EVI5L: variants seen among roughly 807,000 people sequenced by gnomAD.
EVI5L encodes the protein ecotropic viral integration site 5 like.
A neutral mutation model predicts 106.1 loss-of-function variants in EVI5L; 30 were observed. That is an observed-to-expected ratio of 0.28 (90% CI 0.21 to 0.38). EVI5L has a LOEUF of 0.38. Ranked by LOEUF, EVI5L falls within the 10% of genes least tolerant of loss-of-function variation. The probability of loss-of-function intolerance (pLI) is 1.00; values close to 1 mark genes in which losing one functional copy is unlikely to be tolerated. For missense variants in EVI5L, 809 were observed against 1,098.0 expected (o/e 0.74, Z 3.72); for synonymous variants, 489 against 483.3 (o/e 1.01, Z -0.15).
Position 7,846,569 on chromosome 19 carries a change from C to G in EVI5L, c.27C>G (p.Asp9Glu). The change falls in exon 2 of 20, where the codon GAC (aspartate) becomes GAG (glutamate). Residue 9 changes from aspartate to glutamate, a missense_variant. By Grantham distance (45) the Asp-to-Glu change is conservative (BLOSUM62 2). Transcript: ENST00000538904. MASPTLSPDSSSQEALSAP... is the reference protein window; with the variant it reads MASPTLSPESSSQEALSAP... ...TGGCGAGCCCCACTCTGAGCCCCGA[C>G]TCCTCATCCCAGGAGGCCCTGTCGG... 2 of 1,613,204 alleles carry G rather than the reference C, an allele frequency of 1.2e-6. No homozygotes were observed. Among genetic ancestry groups the G allele is most frequent in the Non-Finnish European group, 1.7e-6 (2 of 1,179,700 alleles).
In EVI5L at chr19:7,862,526, G is replaced by C. The variant is rs1363214142; in HGVS notation, c.1939G>C (p.Glu647Gln). 4 of 1,534,698 alleles carry C rather than the reference G, an allele frequency of 2.6e-6. No individual in the cohort carries two copies. Among genetic ancestry groups the C allele is most frequent in the African/African-American group, 1.4e-5 (1 of 72,336 alleles). The change falls in exon 17 of 20, where the codon GAG becomes CAG. Residue 647 changes from glutamate (E) to glutamine (Q), a missense_variant. By Grantham distance (29) the Glu-to-Gln change is conservative (BLOSUM62 2). This residue lies in a region of EVI5L where 452 missense variants were observed against 509.9 expected (regional missense o/e 0.89). Transcript: ENST00000538904. ...SESRRKQAEA[E>Q]CKSKEEVMAV... ...AAGCCGCCGCAAGCAGGCCGAGGCC[G>C]AGTGCAAGGTGCAGACCCCCGCGGC...
intron 1 of EVI5L, among the ~76,000 whole-genome samples, chr19:7,833,347 T>C (rs478430): frequency 0.8 from 122,032 of 152,226 alleles, 49,504 homozygotes; most frequent in South Asian, 0.87. Flanking sequence ...GCCCCCGCCA[T>C]GTGCTCAGCA....
In EVI5L at chr19:7,862,525, C is replaced by G. The variant is rs769686592; in HGVS notation, c.1938C>G (p.Ala646=). 7.8e-6 allele frequency: 12 copies of G among 1,535,984 alleles called. No homozygotes were observed. The highest frequency in any genetic ancestry group is 2.8e-5 in the African/African-American group (2 of 72,354). ...AAAGCCGCCGCAAGCAGGCCGAGGC[C>G]GAGTGCAAGGTGCAGACCCCCGCGG... ...LSESRRKQAE[A]ECKSKEEVMA... is the part of the protein sequence containing the mutation. The change falls in exon 17 of 20, where the codon GCC becomes GCG. Residue 646 remains alanine, a synonymous_variant. Transcript: ENST00000538904.
intron 4 of EVI5L, 27 bp downstream of exon 4, chr19:7,849,172 C>T (rs370238933): frequency 3.2e-5 from 51 of 1,612,128 alleles, no homozygotes; most frequent in African/African-American, 5.3e-5. Context: ...CCCGCTCCCT[C>T]GGTCCCAAAG....
chr19:7,832,404 T>C (rs1310003777), intron 1 of EVI5L, among the ~76,000 whole-genome samples: 1 of 152,248 alleles, frequency 6.6e-6, no homozygotes, highest in Admixed American at 6.5e-5. Context: ...CCAGGCTTCC[T>C]TGTGGATATT....
In EVI5L at chr19:7,858,215, G is replaced by A; in HGVS notation, c.1258G>A (p.Ala420Thr). The stretch of plus-strand genomic sequence containing the variant: ...GGGGCAAGTGACACGGGCGCAGGAG[G>A]CGGAGGAGAACTACGTCATCAAGCG... ...IQGQVTRAQE[A>T]EENYVIKREL... Residue 420 changes from alanine (A) to threonine (T), a missense_variant, in exon 13 of 20, where the codon GCG becomes ACG. Ala to Thr is a moderately conservative substitution (Grantham distance 58). Around this residue, in one of 2 missense-constraint regions of EVI5L, gnomAD observed 357 missense variants for 588.1 expected, o/e 0.61. Transcript: ENST00000538904. The surrounding 1 kb of genome is among the most constrained non-coding windows in gnomAD (Gnocchi z 5.7). 1 of 1,567,294 alleles carries A rather than the reference G, an allele frequency of 6.4e-7. No individual in the cohort carries two copies. Among genetic ancestry groups the A allele is most frequent in the Non-Finnish European group, 8.6e-7 (1 of 1,156,208 alleles).
chr19:7,843,121 CAT>C (rs1468507194), intron 1 of EVI5L, among the ~76,000 whole-genome samples: 2 of 103,578 alleles, frequency 1.9e-5, no homozygotes, highest in African/African-American at 3.8e-5. Flanking sequence ...GTGTGTGTGT[CAT>C]GTGCATGTGT....
At chr19:7,834,296 C>T (rs1343790197) in intron 1 of EVI5L, among the ~76,000 whole-genome samples, 2 of 152,080 alleles carry the variant, frequency 1.3e-5, no homozygotes. Flanking sequence ...TGCATGCCAG[C>T]CTGGGCAACA....
At chr19:7,860,757 C>A in intron 14 of EVI5L, 68 bp downstream of exon 14, 1 of 1,466,976 alleles carries the variant, frequency 6.8e-7, no homozygotes, top group Non-Finnish European at 9.1e-7. Flanking sequence ...CCTGGATAAG[C>A]TTTGGGAGTG....
In EVI5L at chr19:7,857,289, G is replaced by C; in HGVS notation, c.1233+165G>C. On this transcript the variant is annotated intron_variant, in intron 12 of 19. Transcript: ENST00000538904. The surrounding 1 kb of genome is among the most constrained non-coding windows in gnomAD (Gnocchi z 4.5). ...TCTGGGGGACACAGAGGCTTCCCGG[G>C]GGGGCGGGGCATGTGAAGTGGGGAG... The C allele has an allele frequency of 1.1e-6, 1 of 899,454 alleles. No homozygotes were observed. The highest frequency in any genetic ancestry group is 1.7e-6 in the Non-Finnish European group (1 of 573,620). 55.7% of individuals were successfully genotyped at this position (899,454 alleles called of 1,614,324 possible). A position where few individuals can be genotyped will look rare whatever the true frequency, so the allele number is the denominator to read the frequency against.
chr19:7,860,480 C>G, intron 13 of EVI5L, 81 bp from the exon 14 acceptor site: 1 of 1,271,684 alleles, frequency 7.9e-7, no homozygotes, highest in Non-Finnish European at 1.1e-6. Flanking sequence ...TCTGGGGAGG[C>G]GGGGAGAAGC....
chr19:7,838,098 T>G (rs1978430500), intron 1 of EVI5L, among the ~76,000 whole-genome samples: 1 of 151,898 alleles, frequency 6.6e-6, no homozygotes, highest in Admixed American at 6.6e-5. Context: ...TTGGTTGGTT[T>G]TTTTTTGTTT....
At position 7,846,626 on chromosome 19, in the gene EVI5L, G is replaced by A; in HGVS notation, c.84G>A (p.Glu28=). The part of the protein sequence containing the change: ...APTCSPTSDS[E]NLSPDELELL... The stretch of plus-strand genomic sequence containing the variant: ...CCTGCTCCCCAACCTCTGACTCCGA[G>A]AACCTCAGCCCCGATGAGCTGGAGC... Residue 28 remains glutamate (E), a synonymous_variant, in exon 2 of 20, where the codon GAG becomes GAA. Transcript: ENST00000538904. The A allele has an allele frequency of 6.2e-7, 1 of 1,613,824 alleles. No homozygotes were observed. Among genetic ancestry groups the A allele is most frequent in the Non-Finnish European group, 8.5e-7 (1 of 1,179,970 alleles).
chr19:7,831,785 C>T (rs1978294389), intron 1 of EVI5L, among the ~76,000 whole-genome samples: 1 of 152,266 alleles, frequency 6.6e-6, no homozygotes, highest in African/African-American at 2.4e-5. Flanking sequence ...GCCTACTGGC[C>T]TCAAATGCCA....
intron 2 of EVI5L, 114 bp downstream of exon 2, chr19:7,846,793 C>A: frequency 7.3e-7 from 1 of 1,368,962 alleles, no homozygotes; most frequent in South Asian, 1.4e-5. Flanking sequence ...AATGTGACAG[C>A]CACCTCCAGA....
At position 7,850,031 on chromosome 19, in the gene EVI5L, G is replaced by A. The variant is rs2146426756; in HGVS notation, c.662G>A (p.Arg221Gln). Residue 221 changes from arginine to glutamine, a missense_variant, in exon 6 of 20, where the codon CGG (arginine) becomes CAG (glutamine). Coordinates refer to ENST00000538904, the MANE Select transcript of EVI5L (RefSeq NM_001159944.3). This position sits in a 1 kb window ranked among gnomAD's most constrained non-coding sequence, Gnocchi z 5.4. ...PEEEAFCVFV[R>Q]LMQEYRLREL... ...GAGGAGGCCTTCTGTGTGTTCGTGC[G>A]GCTGATGCAGGAGTACCGGCTGCGG... 6.9e-6 allele frequency: 11 copies of A among 1,603,056 alleles called. No homozygotes were observed. The highest frequency in any genetic ancestry group is 2.7e-5 in the African/African-American group (2 of 74,874).
At chr19:7,832,036 C>A (rs749856976) in intron 1 of EVI5L, among the ~76,000 whole-genome samples, 19 of 152,208 alleles carry the variant, frequency 1.2e-4, no homozygotes, top group Admixed American at 5.2e-4. Context: ...TCGTTTTATT[C>A]CCCCTCGGCC....
rs1333570664 is a variant in EVI5L, at chr19:7,835,317, G to A, written c.-48+4936G>A. On this transcript the variant is annotated intron_variant, in intron 1 of 19. Coordinates refer to ENST00000538904, the MANE Select transcript of EVI5L (RefSeq NM_001159944.3). The surrounding 1 kb of genome is among the most constrained non-coding windows in gnomAD (Gnocchi z 4.1). The stretch of plus-strand genomic sequence containing the variant: ...GAGGTCAGGAGTTCGAGACCAGCTT[G>A]GTTAACACAGTGAAACCCCGTCTCT... Among the ~76,000 whole-genome samples the A allele has an allele frequency of 3.9e-5, 6 of 151,950 alleles. No individual in the cohort carries two copies. Among genetic ancestry groups the A allele is most frequent in the Non-Finnish European group, 5.9e-5 (4 of 68,002 alleles).
chr19:7,853,448 G>C, intron 10 of EVI5L, 115 bp downstream of exon 10: 1 of 1,378,358 alleles, frequency 7.3e-7, no homozygotes, highest in Non-Finnish European at 1.0e-6. Flanking sequence ...AGGCGGACCC[G>C]GCGGTCCTTG....
Sources: allele counts gnomAD v4.1 joint callset (sites outside exome capture counted in the v4.1 genomes callset), GRCh38; gene constraint gnomAD v4.1.1; regional missense constraint gnomAD v4.1.1; non-coding constraint Gnocchi (gnomAD v3.1); transcripts MANE v1.5; gene names NCBI Gene and HGNC (gene_info 2026-07-23, HGNC 2026-07-21).